Variants in SDK1 observed in about 807,000 individuals in gnomAD.
The protein encoded by SDK1 is protein sidekick-1.
A neutral mutation model predicts 245.5 loss-of-function variants in SDK1; 157 were observed. That is an observed-to-expected ratio of 0.64 (90% CI 0.56 to 0.73). SDK1 has a LOEUF of 0.73. Among genes scored for constraint, SDK1 ranks in the 30% least tolerant of loss-of-function variants. The probability of loss-of-function intolerance (pLI) is 0.00; values close to 1 mark genes in which losing one functional copy is unlikely to be tolerated. For synonymous variants in SDK1, 1,647 were observed against 1,278.5 expected (o/e 1.29, Z -6.15); for missense variants, 3,583 against 3,002.3 (o/e 1.19, Z -4.52).
Position 3,951,889 on chromosome 7 carries a change from G to A in SDK1, c.1119G>A (p.Pro373=), listed in dbSNP as rs764729145. 28 of 1,613,226 alleles carry A rather than the reference G, an allele frequency of 1.7e-5. No individual in the cohort carries two copies. The highest frequency in any genetic ancestry group is 6.7e-5 in the Admixed American group (4 of 59,932). The change falls in exon 7 of 45, where the codon CCG becomes CCA. Residue 373 remains proline (P), a synonymous_variant. Coordinates refer to ENST00000404826, the MANE Select transcript of SDK1 (RefSeq NM_152744.4). ...CGCTGCCGGGGAGCGCTTTTGAACCGGCCAGGGCGACGGCCTTTCTTTTCA... is the reference window on the plus strand; with the variant it reads ...CGCTGCCGGGGAGCGCTTTTGAACCAGCCAGGGCGACGGCCTTTCTTTTCA... ...EAALPGSAFE[P]ARATAFLFII...
rs192216140 is a variant in SDK1 at position 4,008,237 on chromosome 7, T to A, written c.2132-2729T>A. Among the ~76,000 whole-genome samples, 1,055 of 152,394 alleles carry A rather than the reference T, an allele frequency of 6.9e-3. 11 individuals are homozygous for A. Among genetic ancestry groups the A allele is most frequent in the African/African-American group, 0.024 (998 of 41,598 alleles). ...TCCTAATTTCCTTCCTTTAAGAAGC[T>A]GAATAGTAGACATTGTATGGACAGA... On this transcript the variant is annotated intron_variant, in intron 14 of 44. Coordinates refer to ENST00000404826, the MANE Select transcript of SDK1 (RefSeq NM_152744.4).
At chr7:3,744,606 T>A (rs1779564905) in intron 4 of SDK1, among the ~76,000 whole-genome samples, 1 of 152,006 alleles carries the variant, frequency 6.6e-6, no homozygotes, top group African/African-American at 2.4e-5. Flanking sequence ...AGTCAGGAGA[T>A]CGAGACCATC....
intron 5 of SDK1, among the ~76,000 whole-genome samples, chr7:3,836,167 A>G (rs945448747): frequency 8.3e-4 from 126 of 152,238 alleles, no homozygotes; most frequent in African/African-American, 2.8e-3. Flanking sequence ...ACGTGGAATA[A>G]CACTCGTGTT....
intron 3 of SDK1, among the ~76,000 whole-genome samples, chr7:3,639,672 C>T (rs1053656658): frequency 6.6e-6 from 1 of 152,120 alleles, no homozygotes; most frequent in Non-Finnish European, 1.5e-5. Flanking sequence ...CTTAAATTTT[C>T]ATGTAGTCTT....
At chr7:3,652,106 T>G (rs1448845755) in intron 4 of SDK1, among the ~76,000 whole-genome samples, 1 of 152,214 alleles carries the variant, frequency 6.6e-6, no homozygotes, top group East Asian at 1.9e-4. Flanking sequence ...TTGGAGTGTT[T>G]AAATATTTAG....
In SDK1 at chr7:3,969,543, A is replaced by G. The variant is rs536410295; in HGVS notation, c.1714+119A>G. 36 of 672,444 alleles carry G rather than the reference A, an allele frequency of 5.4e-5. No homozygotes were observed. In the African/African-American group the frequency reaches 6.5e-4, roughly 12 times the overall value. 41.7% of individuals were successfully genotyped at this position (672,444 alleles called of 1,614,324 possible). A position where few individuals can be genotyped will look rare whatever the true frequency, so the allele number is the denominator to read the frequency against. ...TTGCTAATTTAATCAAAAGAGAATG[A>G]TTATTTTTACAACTAATTTATAGAA... is the stretch of plus-strand genomic sequence containing the variant. On this transcript the variant is annotated intron_variant, in intron 11 of 44. Transcript: ENST00000404826.
intron 5 of SDK1, among the ~76,000 whole-genome samples, chr7:3,929,362 C>G (rs913560867): frequency 1.2e-4 from 18 of 152,232 alleles, no homozygotes; most frequent in African/African-American, 4.3e-4. Flanking sequence ...GCACCAGGCA[C>G]TCACACCTGC....
In SDK1 at chr7:3,759,175, A is replaced by G. The variant is rs553436627; in HGVS notation, c.714-62275A>G. ...TTCCTTTATCCTGCAATAATCAGTC[A>G]AATCACTGTTTCCCAAGGGGTTTGG... On this transcript the variant is annotated intron_variant, in intron 4 of 44. Coordinates refer to ENST00000404826, the MANE Select transcript of SDK1 (RefSeq NM_152744.4). Among the ~76,000 whole-genome samples the G allele has an allele frequency of 1.2e-4, 19 of 152,342 alleles. No individual in the cohort carries two copies. In the East Asian group the frequency reaches 3.7e-3, roughly 29 times the overall value.
intron 5 of SDK1, among the ~76,000 whole-genome samples, chr7:3,882,519 C>A (rs951730322): frequency 6.6e-6 from 1 of 152,308 alleles, no homozygotes; most frequent in Middle Eastern, 3.4e-3. Flanking sequence ...CAGTAAATAC[C>A]TCCATTTGGA....
Position 3,598,225 on chromosome 7 carries a change from T to A in SDK1, c.299-20855T>A, listed in dbSNP as rs142351803. On this transcript the variant is annotated intron_variant, in intron 1 of 44. Coordinates refer to ENST00000404826, the MANE Select transcript of SDK1 (RefSeq NM_152744.4). ...GGAAGTGCATGTTCAAGCCTTTTGC[T>A]CATTTTATTTATATATTTCCATTTG... is the stretch of plus-strand genomic sequence containing the variant. 2.5e-3 allele frequency among the ~76,000 whole-genome samples: 386 copies of A among 152,346 alleles called. 3 individuals carry two copies. Among genetic ancestry groups the A allele is most frequent in the African/African-American group, 9.1e-3 (379 of 41,568 alleles).
At chr7:3,611,734 A>G (rs757090901) in intron 1 of SDK1, among the ~76,000 whole-genome samples, 1 of 152,138 alleles carries the variant, frequency 6.6e-6, no homozygotes, top group Non-Finnish European at 1.5e-5. Context: ...TTGAAAAATT[A>G]TGGCTATTGA....
chr7:4,076,810 G>T (rs749873173), intron 20 of SDK1, among the ~76,000 whole-genome samples, 188 bp from the exon 21 acceptor site: 1 of 152,120 alleles, frequency 6.6e-6, no homozygotes, highest in African/African-American at 2.4e-5. Context: ...TTACGAGATC[G>T]CATTGGGCAC....
chr7:4,113,227 T>C (rs1478074410), intron 23 of SDK1, 62 bp from the exon 24 acceptor site: 1 of 1,559,130 alleles, frequency 6.4e-7, no homozygotes, highest in African/African-American at 1.4e-5. Flanking sequence ...GCCTTTGTGG[T>C]TTCGTTCTTT....
At chr7:4,219,935 A>G (rs1202923707) in intron 38 of SDK1, among the ~76,000 whole-genome samples, 174 bp from the exon 39 acceptor site, 3 of 151,748 alleles carry the variant, frequency 2.0e-5, no homozygotes, top group Non-Finnish European at 4.4e-5. Context: ...AGCTCTAATT[A>G]CACTTATCTG....
chr7:3,475,498 A>G (rs1404911753), intron 1 of SDK1, among the ~76,000 whole-genome samples: 1 of 152,226 alleles, frequency 6.6e-6, no homozygotes, highest in Non-Finnish European at 1.5e-5. Context: ...CAAGCAGGAC[A>G]AAGGAGATGC....
chr7:4,085,191 G>A (rs1781351991), intron 22 of SDK1, among the ~76,000 whole-genome samples: 1 of 152,114 alleles, frequency 6.6e-6, no homozygotes, highest in Admixed American at 6.6e-5. Context: ...GAATTTGCCT[G>A]TGTATCTTAC....
rs1043854813 is a variant in SDK1, at chr7:3,993,712, C to T, written c.2131+6390C>T. On this transcript the variant is annotated intron_variant, in intron 14 of 44. Transcript: ENST00000404826. ...CTCCAGCCCTTCCTCCAGGACTTGGCTCCCTCTTTATTTCCTCTCTGTGTT... is the reference window on the plus strand; with the variant it reads ...CTCCAGCCCTTCCTCCAGGACTTGGTTCCCTCTTTATTTCCTCTCTGTGTT... Among the ~76,000 whole-genome samples the T allele has an allele frequency of 6.6e-5, 10 of 152,302 alleles. No individual in the cohort carries two copies. The South Asian group carries it at 2.1e-3, about 32-fold the overall frequency.
chr7:4,025,643 T>A (rs1210295344), intron 17 of SDK1, among the ~76,000 whole-genome samples: 1 of 152,214 alleles, frequency 6.6e-6, no homozygotes, highest in African/African-American at 2.4e-5. Context: ...CTTTTTCATA[T>A]CTGTATCCCC....
chr7:4,060,230 A>G (rs549400151), intron 19 of SDK1, among the ~76,000 whole-genome samples: 57 of 152,360 alleles, frequency 3.7e-4, no homozygotes, highest in Non-Finnish European at 6.8e-4. Flanking sequence ...ACAGAAACCT[A>G]CAGGATACAG....
Sources: gnomAD v4.1 joint callset for allele counts (sites outside exome capture counted in the v4.1 genomes callset) on GRCh38, gnomAD v4.1.1 for gene constraint, MANE v1.5 for transcripts, NCBI Gene and HGNC (gene_info 2026-07-23, HGNC 2026-07-21) for gene names.